RALGPS2: variants seen among roughly 807,000 people sequenced by gnomAD.
The protein encoded by RALGPS2 is ras-specific guanine nucleotide-releasing factor RalGPS2.
RALGPS2 carries 43 observed loss-of-function variants against 86.8 expected under a neutral mutation model. That is an observed-to-expected ratio of 0.50 (90% confidence interval 0.39 to 0.64). RALGPS2 has a LOEUF of 0.64. Ranked by LOEUF, RALGPS2 falls within the 30% of genes least tolerant of loss-of-function variation. The pLI, the probability that RALGPS2 is intolerant of heterozygous loss-of-function variation, is 0.00. For synonymous variants in RALGPS2, 243 were observed against 231.3 expected (o/e 1.05, Z -0.46); for missense variants, 536 against 694.6 (o/e 0.77, Z 2.57).
chr1:178,759,527 CTT>C (rs59419655), intron 1 of RALGPS2, among the ~76,000 whole-genome samples: 241 of 114,940 alleles, frequency 2.1e-3, no homozygotes, highest in African/African-American at 5.0e-3. Flanking sequence ...CAGTTTTGTT[CTT>C]TTTTTTTTTT....
At chr1:178,743,855 A>C (rs536431439) in intron 1 of RALGPS2, among the ~76,000 whole-genome samples, 2 of 152,214 alleles carry the variant, frequency 1.3e-5, no homozygotes, top group African/African-American at 4.8e-5. Context: ...TTGTGATTAC[A>C]ATATTTCCAC....
intron 1 of RALGPS2, among the ~76,000 whole-genome samples, chr1:178,738,736 G>C (rs1650861027): frequency 6.6e-6 from 1 of 152,104 alleles, no homozygotes; most frequent in Non-Finnish European, 1.5e-5. Context: ...TTAACATTCA[G>C]CTTTTTTATT....
intron 19 of RALGPS2, among the ~76,000 whole-genome samples, chr1:178,907,931 C>A (rs536429655): frequency 1.3e-5 from 2 of 152,096 alleles, no homozygotes; most frequent in African/African-American, 4.8e-5. Flanking sequence ...TAAGTCCATT[C>A]TTTTTGTTTG....
chr1:178,907,561 A>G (rs558623858), intron 19 of RALGPS2, among the ~76,000 whole-genome samples: 1 of 152,304 alleles, frequency 6.6e-6, no homozygotes, highest in Non-Finnish European at 1.5e-5. Flanking sequence ...TTTTCCCCAA[A>G]CCCTGTTGCA....
chr1:178,859,263 A>G (rs1341050139), intron 8 of RALGPS2, among the ~76,000 whole-genome samples: 1 of 152,136 alleles, frequency 6.6e-6, no homozygotes, highest in Non-Finnish European at 1.5e-5. Context: ...TAAGTATTCC[A>G]TTGAAACCAA....
chr1:178,873,943 C>T (rs1211059543), intron 8 of RALGPS2, among the ~76,000 whole-genome samples: 4 of 151,918 alleles, frequency 2.6e-5, no homozygotes, highest in Admixed American at 6.6e-5. Context: ...TGCAGTGGTA[C>T]GATCTCGGCT....
Position 178,876,173 on chromosome 1 carries a change from A to G in RALGPS2, c.608-1325A>G, listed in dbSNP as rs114108930. Among the ~76,000 whole-genome samples, 925 of 152,316 alleles carry G rather than the reference A, an allele frequency of 6.1e-3. 10 individuals carry two copies. Among genetic ancestry groups the G allele is most frequent in the African/African-American group, 0.021 (884 of 41,568 alleles). ...TTCTCTTGGAGTGCAAGATAGAGCA[A>G]CTGCCTTAAATGAGTTTGCAGTCTT... On this transcript the variant is annotated intron_variant, in intron 8 of 19. Transcript: ENST00000367635.
At chr1:178,798,019 A>C (rs535957327) in intron 4 of RALGPS2, among the ~76,000 whole-genome samples, 1 of 150,238 alleles carries the variant, frequency 6.7e-6, no homozygotes, top group East Asian at 1.9e-4. Context: ...CATAGCTTAG[A>C]AATATAAAAA....
chr1:178,771,291 G>T (rs958538753), intron 1 of RALGPS2, among the ~76,000 whole-genome samples: 3 of 152,128 alleles, frequency 2.0e-5, no homozygotes, highest in Non-Finnish European at 4.4e-5. Context: ...CATATCTCTT[G>T]AGTTTCCTTT....
At chr1:178,868,106 G>T (rs1216178075) in intron 8 of RALGPS2, among the ~76,000 whole-genome samples, 6 of 151,790 alleles carry the variant, frequency 4.0e-5, no homozygotes, top group African/African-American at 1.2e-4. Context: ...GCACACATGG[G>T]TATTTTTTTT....
At chr1:178,851,088 G>T (rs1657142602) in intron 8 of RALGPS2, 1 of 1,548,742 alleles carries the variant, frequency 6.5e-7, no homozygotes, top group Non-Finnish European at 8.7e-7. Flanking sequence ...GAGCTGAAAA[G>T]TACAAAGTTC....
intron 1 of RALGPS2, among the ~76,000 whole-genome samples, chr1:178,732,816 G>A (rs1387968117): frequency 6.7e-6 from 1 of 149,252 alleles, no homozygotes; most frequent in Non-Finnish European, 1.5e-5. Context: ...CCATTAATCT[G>A]TTAATAGGAT....
In RALGPS2 at chr1:178,920,161, A is replaced by G. The variant is rs542248492; in HGVS notation, c.*3802A>G. ...CAAATATTGCTATTTAATCACATTGATGATGAATTACTTTCCATGTGAACC... is the reference window on the plus strand; with the variant it reads ...CAAATATTGCTATTTAATCACATTGGTGATGAATTACTTTCCATGTGAACC... On this transcript the variant is annotated 3_prime_UTR_variant, in exon 20 of 20. Transcript: ENST00000367635. 4.6e-5 allele frequency: 7 copies of G among 152,132 alleles called. No homozygotes were observed. Among genetic ancestry groups the G allele is most frequent in the African/African-American group, 1.7e-4 (7 of 41,560 alleles). The allele number at this position is 152,132 out of a possible 1,614,324, so 9.4% of individuals were successfully genotyped here.
chr1:178,747,578 A>T, intron 1 of RALGPS2: 2 of 1,610,678 alleles, frequency 1.2e-6, no homozygotes, highest in Non-Finnish European at 1.7e-6. Context: ...TGTGTTAGGA[A>T]GTGGACCCTG....
chr1:178,910,149 A>G (rs971031805), intron 19 of RALGPS2, among the ~76,000 whole-genome samples: 2 of 152,180 alleles, frequency 1.3e-5, no homozygotes, highest in Non-Finnish European at 2.9e-5. Context: ...TATCAGATCT[A>G]GGAGCTTTGG....
At chr1:178,844,162 T>G (rs1656752827) in intron 8 of RALGPS2, among the ~76,000 whole-genome samples, 1 of 152,162 alleles carries the variant, frequency 6.6e-6, no homozygotes, top group Non-Finnish European at 1.5e-5. Context: ...CTATTCCTCT[T>G]CAAGTATACA....
At chr1:178,769,019 G>A (rs1360228224) in intron 1 of RALGPS2, among the ~76,000 whole-genome samples, 1 of 151,950 alleles carries the variant, frequency 6.6e-6, no homozygotes, top group Non-Finnish European at 1.5e-5. Flanking sequence ...TGCTCCAAAT[G>A]CCTGGAGATC....
chr1:178,913,995 C>T (rs182249320), intron 19 of RALGPS2, among the ~76,000 whole-genome samples: 1 of 152,252 alleles, frequency 6.6e-6, no homozygotes, highest in East Asian at 1.9e-4. Flanking sequence ...TGACAGTCGC[C>T]CGCAAAAGCA....
intron 4 of RALGPS2, among the ~76,000 whole-genome samples, chr1:178,791,568 T>G (rs1283943617): frequency 1.3e-5 from 2 of 152,220 alleles, no homozygotes; most frequent in Non-Finnish European, 2.9e-5. Context: ...TATAGTGATT[T>G]TAGTTGCAGA....
Sources: gnomAD v4.1 joint callset for allele counts (sites outside exome capture counted in the v4.1 genomes callset) on GRCh38, gnomAD v4.1.1 for gene constraint, MANE v1.5 for transcripts, NCBI Gene and HGNC (gene_info 2026-07-23, HGNC 2026-07-21) for gene names.